The following CDCP1 variants were observed in gnomAD, a reference collection of about 807,000 sequenced individuals.
The protein encoded by CDCP1 is CUB domain containing protein 1, also known as CUB domain-containing protein 1.
CDCP1 carries 29 observed loss-of-function variants against 60.2 expected under a neutral mutation model. The observed-to-expected ratio is 0.48, with a 90% CI of 0.36 to 0.66. The LOEUF is 0.66. Ranked by LOEUF, CDCP1 falls within the 30% of genes least tolerant of loss-of-function variation. The pLI is 0.00. For missense variants in CDCP1, 876 were observed against 1,074.3 expected, an observed-to-expected ratio of 0.82 and a Z score of 2.58; for synonymous variants, 387 against 431.1, an observed-to-expected ratio of 0.90 and a Z score of 1.27.
intron 1 of CDCP1, among the ~76,000 whole-genome samples, chr3:45,123,741 T>C (rs1698926048): frequency 6.6e-6 from 1 of 152,202 alleles, no homozygotes; most frequent in Non-Finnish European, 1.5e-5. Flanking sequence ...GCTCATTTGA[T>C]CACAAATGCT....
intron 4 of CDCP1, among the ~76,000 whole-genome samples, chr3:45,103,527 G>T (rs4579052): frequency 0.3 from 44,991 of 152,090 alleles, 7,681 homozygotes; most frequent in East Asian, 0.53. Flanking sequence ...ACTATGCTTT[G>T]AATATAGCTT....
At chr3:45,146,393 C>G (rs1469676700), upstream of CDCP1, 3 of 989,800 alleles carry the variant, frequency 3.0e-6, no homozygotes, top group African/African-American at 5.2e-5. Flanking sequence ...CACTCACCTG[C>G]GCGCGGGCGG....
chr3:45,086,123 T>C (rs1698189824), intron 8 of CDCP1, 56 bp from the exon 9 acceptor site: 2 of 1,462,892 alleles, frequency 1.4e-6, no homozygotes, highest in Non-Finnish European at 1.9e-6. Flanking sequence ...CTTCGATGGG[T>C]ACCATTGCTA....
intron 1 of CDCP1, among the ~76,000 whole-genome samples, chr3:45,131,652 T>C (rs1699096160): frequency 6.6e-6 from 1 of 152,152 alleles, no homozygotes; most frequent in South Asian, 2.1e-4. Context: ...AGCCTCAAAT[T>C]CATATATATT....
chr3:45,120,012 T>C (rs575202813), intron 1 of CDCP1, among the ~76,000 whole-genome samples: 1 of 152,350 alleles, frequency 6.6e-6, no homozygotes, highest in South Asian at 2.1e-4. Context: ...CATGGGTCAG[T>C]AGTTTCCTCC....
Position 45,089,079 on chromosome 3 carries a change from G to A in CDCP1, c.2056C>T (p.Leu686Phe), listed in dbSNP as rs202099488. Residue 686 changes from leucine (L) to phenylalanine (F), a missense_variant, in exon 8 of 9, where the codon CTC becomes TTC. This residue lies in a region of CDCP1 where 726 missense variants were observed against 935.7 expected (regional missense o/e 0.78). Transcript: ENST00000296129. Reference sequence around the variant, plus strand: ...TTCTTTTTCACACAGCAAATGATGAGCCCGAGGGCAGACAGCAGTAAGACT... The same window carrying A: ...TTCTTTTTCACACAGCAAATGATGAACCCGAGGGCAGACAGCAGTAAGACT... ...GGVLLLSALG[L>F]IICCVKKKKK... is the part of the protein sequence containing the mutation. 3 of 1,614,008 alleles carry A rather than the reference G, an allele frequency of 1.9e-6. No homozygotes were observed. The highest frequency in any genetic ancestry group is 1.1e-5 in the South Asian group (1 of 91,068).
chr3:45,093,167 T>A (rs1458979059), intron 6 of CDCP1, 110 bp downstream of exon 6: 22 of 1,259,262 alleles, frequency 1.7e-5, no homozygotes, highest in Non-Finnish European at 2.4e-5. Context: ...ACCAGCATAT[T>A]GAGCTATCCC....
chr3:45,132,792 C>T (rs575752891), intron 1 of CDCP1, among the ~76,000 whole-genome samples: 61 of 152,344 alleles, frequency 4.0e-4, no homozygotes, highest in African/African-American at 1.2e-3. Context: ...TGATCATTAC[C>T]ATTCCGACAG....
intron 4 of CDCP1, 58 bp from the exon 5 acceptor site, chr3:45,095,626 G>A: frequency 6.9e-7 from 1 of 1,453,400 alleles, no homozygotes; most frequent in Non-Finnish European, 9.6e-7. Context: ...CACGGGAAAT[G>A]GCAAAAATTG....
At chr3:45,126,108 C>CTCTTTCTTTCCTTTCTTTCTT (rs1553610966) in intron 1 of CDCP1, among the ~76,000 whole-genome samples, 3 of 110,010 alleles carry the variant, frequency 2.7e-5, no homozygotes, top group African/African-American at 1.1e-4. Context: ...TTGTCTCTCT[C>CTCTTTCTTTCCTTTCTTTCTT]TCTTTCTTTC....
intron 1 of CDCP1, among the ~76,000 whole-genome samples, chr3:45,128,923 G>T (rs1372376707): frequency 6.6e-6 from 1 of 152,174 alleles, no homozygotes; most frequent in East Asian, 1.9e-4. Flanking sequence ...CACCATATTG[G>T]CCAGACTGGT....
At chr3:45,108,785 A>ATATTTTTTTTTTTTTTTTTTTTT (rs1576094482) in intron 4 of CDCP1, among the ~76,000 whole-genome samples, 1 of 38,476 alleles carries the variant, frequency 2.6e-5, no homozygotes, top group Admixed American at 2.8e-4. Flanking sequence ...GTATACATAT[A>ATATTTTTTTTTTTTTTTTTTTTT]TATGCATGTA....
intron 4 of CDCP1, among the ~76,000 whole-genome samples, chr3:45,107,350 G>A (rs545387261): frequency 8.5e-5 from 13 of 152,136 alleles, no homozygotes; most frequent in Admixed American, 2.0e-4. Flanking sequence ...GGGACTACAG[G>A]TGCCTGCCAC....
At chr3:45,120,846 G>A (rs533826220) in intron 1 of CDCP1, among the ~76,000 whole-genome samples, 11 of 152,148 alleles carry the variant, frequency 7.2e-5, no homozygotes, top group Non-Finnish European at 1.0e-4. Context: ...TGTCATTCCG[G>A]TCTCAGCACA....
chr3:45,134,802 C>T (rs1323687498), intron 1 of CDCP1, among the ~76,000 whole-genome samples: 1 of 152,050 alleles, frequency 6.6e-6, no homozygotes, highest in Non-Finnish European at 1.5e-5. Context: ...GGGCCAGACA[C>T]ATGCCTTCCT....
chr3:45,137,802 A>AG (rs2126009255), intron 1 of CDCP1, among the ~76,000 whole-genome samples: 1 of 38,758 alleles, frequency 2.6e-5, no homozygotes, highest in South Asian at 2.2e-3. Flanking sequence ...CCTGGGCAAC[A>AG]GAAAAAAAAA....
chr3:45,134,554 C>G (rs961978533), intron 1 of CDCP1, among the ~76,000 whole-genome samples: 2 of 152,060 alleles, frequency 1.3e-5, no homozygotes, highest in Non-Finnish European at 2.9e-5. Context: ...TCAGTTTAAA[C>G]CTTCTGTTTT....
chr3:45,121,773 C>CA (rs1432638190), intron 1 of CDCP1, among the ~76,000 whole-genome samples: 4 of 152,112 alleles, frequency 2.6e-5, no homozygotes, highest in Non-Finnish European at 5.9e-5. Context: ...ACCTTGTATA[C>CA]AAATGCCAAA....
In CDCP1 at chr3:45,089,081, C is replaced by T. The variant is rs1317594843; in HGVS notation, c.2054G>A (p.Gly685Glu). 1.2e-6 allele frequency: 2 copies of T among 1,613,898 alleles called. No homozygotes were observed. The highest frequency in any genetic ancestry group is 1.7e-6 in the Non-Finnish European group (2 of 1,179,962). Residue 685 changes from glycine (G) to glutamate (E), a missense_variant, in exon 8 of 9, where the codon GGG becomes GAG. By Grantham distance (98) the Gly-to-Glu change is moderately conservative (BLOSUM62 -2). Coordinates refer to ENST00000296129, the MANE Select transcript of CDCP1 (RefSeq NM_022842.5). Reference sequence around the variant, plus strand: ...CTTTTTCACACAGCAAATGATGAGCCCGAGGGCAGACAGCAGTAAGACTCC... The same window carrying T: ...CTTTTTCACACAGCAAATGATGAGCTCGAGGGCAGACAGCAGTAAGACTCC... ...GGGVLLLSAL[G>E]LIICCVKKKK...
Sources: gnomAD v4.1 joint callset for allele counts (sites outside exome capture counted in the v4.1 genomes callset) on GRCh38, gnomAD v4.1.1 for gene constraint, gnomAD v4.1.1 regional missense constraint, MANE v1.5 for transcripts, NCBI Gene and HGNC (gene_info 2026-07-23, HGNC 2026-07-21) for gene names.